Variants in CMTM4 observed in about 807,000 individuals in gnomAD.
The protein encoded by CMTM4 is CKLF-like MARVEL transmembrane domain-containing protein 4.
A neutral mutation model predicts 19.0 loss-of-function variants in CMTM4; 8 were observed. The ratio of observed to expected loss-of-function variants is 0.42; its 90% CI spans 0.25 to 0.76. The LOEUF is 0.76. Among genes scored for constraint, CMTM4 ranks in the 30% least tolerant of loss-of-function variants. CMTM4 has a pLI of 0.27. For missense variants in CMTM4, 228 were observed against 290.2 expected (o/e 0.79, Z 1.56); for synonymous variants, 106 against 121.1 (o/e 0.88, Z 0.82).
intron 1 of CMTM4, among the ~76,000 whole-genome samples, chr16:66,685,972 G>A (rs2017023267): frequency 6.6e-6 from 1 of 152,088 alleles, no homozygotes; most frequent in South Asian, 2.1e-4. Flanking sequence ...CAAAGTTCTG[G>A]AGCCGGGCAT....
At chr16:66,676,612 G>C (rs1410202539) in intron 1 of CMTM4, among the ~76,000 whole-genome samples, 1 of 152,192 alleles carries the variant, frequency 6.6e-6, no homozygotes, top group Non-Finnish European at 1.5e-5. Flanking sequence ...TTGAGTTTCT[G>C]ACTGGAGCCA....
intron 1 of CMTM4, among the ~76,000 whole-genome samples, chr16:66,664,965 C>CGA (rs113674213): frequency 0.068 from 10,329 of 151,830 alleles, 705 homozygotes; most frequent in African/African-American, 0.16. Flanking sequence ...CCTGTTTCTC[C>CGA]GAGAGAGAGT....
chr16:66,676,233 T>C (rs1266552150), intron 1 of CMTM4, among the ~76,000 whole-genome samples: 2 of 137,868 alleles, frequency 1.5e-5, no homozygotes, highest in South Asian at 5.1e-4. Context: ...GGTTAAATAC[T>C]TGCTCTTTAC....
intron 1 of CMTM4, among the ~76,000 whole-genome samples, chr16:66,684,379 G>C (rs191000167): frequency 6.6e-6 from 1 of 152,024 alleles, no homozygotes; most frequent in Non-Finnish European, 1.5e-5. Context: ...GTTTTACTAT[G>C]TTGGCCAGGC....
chr16:66,627,818 C>T (rs959573992), intron 2 of CMTM4, among the ~76,000 whole-genome samples: 5 of 152,164 alleles, frequency 3.3e-5, no homozygotes, highest in African/African-American at 9.7e-5. Flanking sequence ...AGAGACAAAG[C>T]ATAGAGAAAC....
chr16:66,641,964 A>T (rs1162959189), intron 1 of CMTM4, among the ~76,000 whole-genome samples: 2 of 152,178 alleles, frequency 1.3e-5, no homozygotes, highest in African/African-American at 4.8e-5. Context: ...AATTACATAG[A>T]CAGATACATA....
chr16:66,696,424 C>A lies in CMTM4; in HGVS notation c.102G>T (p.Val34=). The A allele has an allele frequency of 7.1e-7, 1 of 1,399,260 alleles. No individual in the cohort carries two copies. Among genetic ancestry groups the A allele is most frequent in the Non-Finnish European group, 9.3e-7 (1 of 1,078,490 alleles). The allele number at this position is 1,399,260 out of a possible 1,614,324, so 86.7% of individuals were successfully genotyped here. A position where few individuals can be genotyped will look rare whatever the true frequency, so the allele number is the denominator to read the frequency against. ...SSPYQPTTEP[V]SQRRGLAGLR... Reference sequence around the variant, plus strand: ...GGCCGGCCAGCCCGCGGCGCTGGCTCACCGGCTCGGTGGTGGGCTGGTACG... The same window carrying A: ...GGCCGGCCAGCCCGCGGCGCTGGCTAACCGGCTCGGTGGTGGGCTGGTACG... Residue 34 remains valine (V), a synonymous_variant, in exon 1 of 4, where the codon GTG becomes GTT. Coordinates refer to ENST00000394106, the MANE Select transcript of CMTM4 (RefSeq NM_181521.3). This position sits in a 1 kb window ranked among gnomAD's most constrained non-coding sequence, Gnocchi z 4.3.
intron 1 of CMTM4, among the ~76,000 whole-genome samples, chr16:66,646,442 T>A (rs1420652324): frequency 1.3e-5 from 2 of 152,134 alleles, no homozygotes; most frequent in African/African-American, 2.4e-5. Context: ...TGTAAATATA[T>A]CACATGTATA....
intron 1 of CMTM4, among the ~76,000 whole-genome samples, chr16:66,656,424 C>T (rs183429300): frequency 5.5e-4 from 84 of 152,126 alleles, no homozygotes; most frequent in African/African-American, 1.8e-3. Context: ...AGTACAGCGG[C>T]GTGATCTTGG....
intron 1 of CMTM4, among the ~76,000 whole-genome samples, chr16:66,694,479 G>A (rs1213953314): frequency 3.3e-5 from 5 of 152,080 alleles, no homozygotes; most frequent in Admixed American, 6.6e-5. Flanking sequence ...GGAGGCCGAG[G>A]TGGGCGGATC....
At position 66,622,061 on chromosome 16, in the gene CMTM4, C is replaced by T. The variant is rs199774057; in HGVS notation, c.624G>A (p.Thr208=). The T allele has an allele frequency of 8.2e-5, 129 of 1,565,100 alleles. No individual in the cohort carries two copies. The highest frequency in any genetic ancestry group is 7.1e-4 in the East Asian group (30 of 42,468). The change falls in exon 4 of 4, where the codon ACG becomes ACA. Residue 208 remains threonine, a synonymous_variant. Coordinates refer to ENST00000394106, the MANE Select transcript of CMTM4 (RefSeq NM_181521.3). The surrounding 1 kb of genome is among the most constrained non-coding windows in gnomAD (Gnocchi z 4.0). ...GGAGGAGGATCCAGGCAGGTCCTCA[C>T]GTGTCCAGGCGCTGGATCTCAGGGC... The part of the protein sequence containing the change: ...DSRPEIQRLD[T]
chr16:66,680,550 A>G (rs942995963), intron 1 of CMTM4, among the ~76,000 whole-genome samples: 159 of 151,756 alleles, frequency 1.0e-3, no homozygotes, highest in Non-Finnish European at 6.9e-4. Context: ...CAAGGCGGGC[A>G]GATCACGAGG....
rs2015499953 is a variant in CMTM4, at chr16:66,615,042, G to A, written c.*7016C>T. On this transcript the variant is annotated 3_prime_UTR_variant, in exon 4 of 4. Transcript: ENST00000394106. The surrounding 1 kb of genome is among the most constrained non-coding windows in gnomAD (Gnocchi z 4.9). The stretch of plus-strand genomic sequence containing the variant: ...TGAACCCAAAAGCCAGGCCAGCCAG[G>A]GGACGCCCACCCAGGGCTTCCACGT... The A allele has an allele frequency of 6.6e-6, 1 of 152,226 alleles. No homozygotes were observed. Among genetic ancestry groups the A allele is most frequent in the Middle Eastern group, 3.1e-3 (1 of 318 alleles). 9.4% of individuals were successfully genotyped at this position (152,226 alleles called of 1,614,324 possible). A position where few individuals can be genotyped will look rare whatever the true frequency, so the allele number is the denominator to read the frequency against.
At chr16:66,637,093 T>G (rs2016006741) in intron 1 of CMTM4, among the ~76,000 whole-genome samples, 1 of 152,204 alleles carries the variant, frequency 6.6e-6, no homozygotes. Flanking sequence ...CCTGACGGCT[T>G]TAAAACAATG....
chr16:66,618,508 T>G lies in CMTM4; in HGVS notation c.*3550A>C, dbSNP rs954152023. On this transcript the variant is annotated 3_prime_UTR_variant, in exon 4 of 4. Transcript: ENST00000394106. ...AAGGGATTAGACCTCAGTCCACCTCTCAGAGCACATGGATAGGTGACGGGT... is the reference window on the plus strand; with the variant it reads ...AAGGGATTAGACCTCAGTCCACCTCGCAGAGCACATGGATAGGTGACGGGT... 16 of 985,336 alleles carry G rather than the reference T, an allele frequency of 1.6e-5. No homozygotes were observed. Among genetic ancestry groups the G allele is most frequent in the Non-Finnish European group, 1.8e-5 (15 of 829,980 alleles). The allele number at this position is 985,336 out of a possible 1,614,324, so 61.0% of individuals were successfully genotyped here.
intron 1 of CMTM4, among the ~76,000 whole-genome samples, chr16:66,665,922 A>G (rs1037691861): frequency 1.3e-5 from 2 of 151,626 alleles, no homozygotes; most frequent in African/African-American, 4.9e-5. Flanking sequence ...CACACAAAAA[A>G]TTAGCAGGGC....
chr16:66,612,689 GCCTCA>G, downstream of CMTM4: 1 of 1,581,352 alleles, frequency 6.3e-7, no homozygotes, highest in Non-Finnish European at 8.7e-7. This position sits in a 1 kb window ranked among gnomAD's most constrained non-coding sequence, Gnocchi z 6.0. Context: ...CCACCCCTGC[GCCTCA>G]CAGGGGTCGC....
In CMTM4 at chr16:66,618,299, C is replaced by G. The variant is rs760113999; in HGVS notation, c.*3759G>C. 1.0e-6 allele frequency: 1 copy of G among 985,478 alleles called. No individual in the cohort carries two copies. The highest frequency in any genetic ancestry group is 1.2e-6 in the Non-Finnish European group (1 of 829,942). 61.0% of individuals were successfully genotyped at this position (985,478 alleles called of 1,614,324 possible). A position where few individuals can be genotyped will look rare whatever the true frequency, so the allele number is the denominator to read the frequency against. On this transcript the variant is annotated 3_prime_UTR_variant, in exon 4 of 4. Transcript: ENST00000394106. The stretch of plus-strand genomic sequence containing the variant: ...GTCATTATTACTCTGTAAACAAGAT[C>G]TGGAGAAGATGACAGTCAGGCAGTG...
chr16:66,604,652 G>T, the CMTM4 span: 19 of 528,394 alleles, frequency 3.6e-5, no homozygotes, highest in East Asian at 6.3e-4. Flanking sequence ...CTGGAGGAGC[G>T]GGTGGGGGCG....
Sources: gnomAD v4.1 joint callset for allele counts (sites outside exome capture counted in the v4.1 genomes callset) on GRCh38, gnomAD v4.1.1 for gene constraint, Gnocchi (gnomAD v3.1) non-coding constraint, MANE v1.5 for transcripts, NCBI Gene and HGNC (gene_info 2026-07-23, HGNC 2026-07-21) for gene names.